Variants in FANK1 observed in about 807,000 individuals in gnomAD.
FANK1 encodes the protein fibronectin type 3 and ankyrin repeat domains protein 1.
In FANK1, 44 loss-of-function variants were observed where a neutral mutation model predicts 45.3. That is an observed-to-expected ratio of 0.97 (90% confidence interval 0.76 to 1.25). The LOEUF is 1.25. Among genes scored for constraint, FANK1 ranks in the 50% most tolerant of loss-of-function variants. The pLI is 0.00. For missense variants in FANK1, 391 were observed against 424.4 expected (o/e 0.92, Z 0.69); for synonymous variants, 149 against 152.5 (o/e 0.98, Z 0.17).
At chr10:126,005,197 C>G in intron 7 of FANK1, 148 bp downstream of exon 7, 1 of 853,700 alleles carries the variant, frequency 1.2e-6, no homozygotes. Flanking sequence ...CCCCTGAAAC[C>G]TTAGAATGGA....
At chr10:126,006,591 G>A (rs906421265) in intron 7 of FANK1, among the ~76,000 whole-genome samples, 4 of 152,242 alleles carry the variant, frequency 2.6e-5, no homozygotes, top group African/African-American at 9.6e-5. Context: ...CGGGCACAGT[G>A]GCTTATGCCT....
intron 1 of FANK1, among the ~76,000 whole-genome samples, chr10:125,908,732 C>A (rs1002742193): frequency 6.6e-6 from 1 of 151,730 alleles, no homozygotes; most frequent in Non-Finnish European, 1.5e-5. Flanking sequence ...ACCATCTGTT[C>A]CCCAAAAACC....
chr10:125,987,150 A>C (rs565140247), intron 2 of FANK1, among the ~76,000 whole-genome samples: 73 of 152,174 alleles, frequency 4.8e-4, no homozygotes, highest in Non-Finnish European at 8.8e-4. Context: ...GGACCCCATC[A>C]GTAGGAAGTT....
intron 1 of FANK1, among the ~76,000 whole-genome samples, chr10:125,922,817 AC>A (rs2134131408): frequency 6.6e-6 from 1 of 152,334 alleles, no homozygotes; most frequent in South Asian, 2.1e-4. Context: ...CCTGGCCAGT[AC>A]ATCTTAAAAA....
At position 126,004,760 on chromosome 10, in the gene FANK1, A is replaced by G. The variant is rs766895142; in HGVS notation, c.540-124A>G. The G allele has an allele frequency of 8.8e-6, 8 of 907,326 alleles. No homozygotes were observed. The African/African-American group carries it at 1.3e-4, about 15-fold the overall frequency. 56.2% of individuals were successfully genotyped at this position (907,326 alleles called of 1,614,324 possible). A position where few individuals can be genotyped will look rare whatever the true frequency, so the allele number is the denominator to read the frequency against. ...GATGGATACGTGTACGTTTTATATG[A>G]ACAGTTCCCATGGCTTTTCCACTCA... On this transcript the variant is annotated intron_variant, in intron 6 of 10. Transcript: ENST00000368693.
chr10:125,945,993 G>T (rs1205049731), intron 1 of FANK1, among the ~76,000 whole-genome samples: 2 of 152,264 alleles, frequency 1.3e-5, no homozygotes, highest in East Asian at 3.9e-4. Flanking sequence ...CCGCAGCAGG[G>T]GCACACTGAC....
At chr10:125,956,462 A>G (rs762695300) in intron 1 of FANK1, among the ~76,000 whole-genome samples, 5 of 152,222 alleles carry the variant, frequency 3.3e-5, no homozygotes, top group Non-Finnish European at 7.3e-5. Context: ...TTTATTATGT[A>G]TGAGCATGAA....
At chr10:125,997,345 AT>A in intron 5 of FANK1, 74 bp from the exon 6 acceptor site, 1 of 1,227,220 alleles carries the variant, frequency 8.1e-7, no homozygotes, top group South Asian at 1.4e-5. Flanking sequence ...TGTGTTACTC[AT>A]TTTTACTGGA....
rs868656392 is a variant in FANK1 at position 125,970,817 on chromosome 10, C to T, written c.14-9344C>T. 4.6e-5 allele frequency among the ~76,000 whole-genome samples: 7 copies of T among 152,052 alleles called. No homozygotes were observed. In the East Asian group the frequency reaches 7.7e-4, roughly 17 times the overall value. ...GACCGTGGAAAGTGAGAGATGGAGA[C>T]GAGGGAGAGGGGAAGACCGTGGAAA... is the stretch of plus-strand genomic sequence containing the variant. On this transcript the variant is annotated intron_variant, in intron 1 of 10. Transcript: ENST00000368693.
At chr10:125,932,544 T>C (rs1947820944) in intron 1 of FANK1, among the ~76,000 whole-genome samples, 1 of 152,184 alleles carries the variant, frequency 6.6e-6, no homozygotes, top group Non-Finnish European at 1.5e-5. Context: ...TTTGGGTACA[T>C]TGATTTGTGT....
chr10:125,943,628 ACTC>A lies in FANK1; in HGVS notation c.14-36532_14-36530del, dbSNP rs1435289631. 4.7e-3 allele frequency among the ~76,000 whole-genome samples: 720 copies of A among 152,152 alleles called. 7 individuals are homozygous for A. The highest frequency in any genetic ancestry group is 0.016 in the African/African-American group (654 of 41,500). ...GCAATGTTTATTAAATTTTGAATGA[ACTC>A]TCTATTCATGCTCAGGTGTTCCTTC... On this transcript the variant is annotated intron_variant, in intron 1 of 10. Coordinates refer to ENST00000368693, the MANE Select transcript of FANK1 (RefSeq NM_145235.5).
intron 1 of FANK1, among the ~76,000 whole-genome samples, chr10:125,970,323 G>A (rs1457282299): frequency 2.7e-5 from 4 of 150,606 alleles, no homozygotes; most frequent in African/African-American, 4.9e-5. Flanking sequence ...GCGGCCGGGC[G>A]GAGGCGCTCC....
intron 1 of FANK1, among the ~76,000 whole-genome samples, chr10:125,942,424 C>T (rs1313384450): frequency 6.6e-6 from 1 of 152,206 alleles, no homozygotes; most frequent in African/African-American, 2.4e-5. Flanking sequence ...TTCTCCCTGA[C>T]TTCATAGGCT....
At chr10:125,970,126 A>T (rs1590096811) in intron 1 of FANK1, among the ~76,000 whole-genome samples, 2 of 152,152 alleles carry the variant, frequency 1.3e-5, no homozygotes, top group African/African-American at 4.8e-5. Context: ...GCCCGTTCTC[A>T]ATGAGCTGTT....
chr10:126,003,160 A>G (rs1464108618), intron 6 of FANK1, among the ~76,000 whole-genome samples: 1 of 147,548 alleles, frequency 6.8e-6, no homozygotes, highest in East Asian at 2.0e-4. Context: ...CAGACCAGTT[A>G]TCTTATAGAA....
At chr10:125,907,698 G>A (rs1589794257) in intron 1 of FANK1, among the ~76,000 whole-genome samples, 1 of 152,200 alleles carries the variant, frequency 6.6e-6, no homozygotes, top group South Asian at 2.1e-4. Context: ...TTGCTAGCAT[G>A]CACGCAAGAT....
At chr10:125,903,480 C>G (rs1945219786) in intron 1 of FANK1, among the ~76,000 whole-genome samples, 1 of 152,268 alleles carries the variant, frequency 6.6e-6, no homozygotes, top group African/African-American at 2.4e-5. Flanking sequence ...CTCTTCCAGG[C>G]CTTTTCTTGG....
chr10:126,008,274 T>C (rs1953384535), intron 7 of FANK1, 133 bp from the exon 8 acceptor site: 1 of 1,229,304 alleles, frequency 8.1e-7, no homozygotes, highest in Admixed American at 2.8e-5. Flanking sequence ...ATTAGCACAG[T>C]GCAATGAACC....
intron 1 of FANK1, among the ~76,000 whole-genome samples, chr10:125,923,345 G>C (rs1246024174): frequency 3.3e-5 from 5 of 151,394 alleles, no homozygotes; most frequent in Non-Finnish European, 5.9e-5. Context: ...CCTGTAGTGT[G>C]AGCTACTTGG....
Sources: allele counts gnomAD v4.1 joint callset (sites outside exome capture counted in the v4.1 genomes callset), GRCh38; gene constraint gnomAD v4.1.1; transcripts MANE v1.5; gene names NCBI Gene and HGNC (gene_info 2026-07-23, HGNC 2026-07-21).